The following CLDN11 variants were observed in gnomAD, a reference collection of about 807,000 sequenced individuals.
CLDN11 encodes the protein claudin-11.
CLDN11 carries 1 observed loss-of-function variant against 18.0 expected under a neutral mutation model. That is an observed-to-expected ratio of 0.06 (90% CI 0.02 to 0.26). The LOEUF is 0.26. CLDN11 is among the 10% of genes least tolerant of loss of function. CLDN11 has a pLI of 1.00. For synonymous variants in CLDN11, 116 were observed against 121.5 expected (o/e 0.96, Z 0.30); for missense variants, 172 against 276.6 (o/e 0.62, Z 2.68).
chr3:170,421,058 C>G (rs1738710684), intron 1 of CLDN11, among the ~76,000 whole-genome samples: 1 of 149,828 alleles, frequency 6.7e-6, no homozygotes, highest in Admixed American at 6.8e-5. Flanking sequence ...TTGTTTTCTT[C>G]TCCTGAAATT....
Position 170,419,373 on chromosome 3 carries a change from C to A in CLDN11, c.226+81C>A. ...GGGATATTAGACGGCGTCACAGAGA[C>A]ATTTTGGGGGCTTGAAGACCTTTGG... On this transcript the variant is annotated intron_variant, in intron 1 of 2. Coordinates refer to ENST00000064724, the MANE Select transcript of CLDN11 (RefSeq NM_005602.6). The surrounding 1 kb of genome is among the most constrained non-coding windows in gnomAD (Gnocchi z 8.6). 2 of 1,046,554 alleles carry A rather than the reference C, an allele frequency of 1.9e-6. No homozygotes were observed. The highest frequency in any genetic ancestry group is 2.8e-6 in the Non-Finnish European group (2 of 724,010). The allele number at this position is 1,046,554 out of a possible 1,614,324, so 64.8% of individuals were successfully genotyped here.
chr3:170,425,752 G>T (rs1309745184), intron 2 of CLDN11, among the ~76,000 whole-genome samples: 1 of 152,222 alleles, frequency 6.6e-6, no homozygotes, highest in South Asian at 2.1e-4. Context: ...GCCCTTTTAC[G>T]GCCTTGCATT....
chr3:170,424,928 T>C (rs1738811883), intron 2 of CLDN11, among the ~76,000 whole-genome samples: 1 of 43,998 alleles, frequency 2.3e-5, no homozygotes, highest in East Asian at 1.1e-3. Context: ...TGTGTGTGTG[T>C]GTGTGTGTGT....
intron 2 of CLDN11, among the ~76,000 whole-genome samples, chr3:170,426,291 C>A (rs1056811161): frequency 6.6e-6 from 1 of 152,286 alleles, no homozygotes; most frequent in East Asian, 1.9e-4. Context: ...ATCTTCTCAG[C>A]AGTTACGTTT....
At chr3:170,424,033 A>AAAAAAAAG (rs1738784918) in intron 2 of CLDN11, among the ~76,000 whole-genome samples, 4 of 149,002 alleles carry the variant, frequency 2.7e-5, no homozygotes, top group South Asian at 2.1e-4. Context: ...CAAAAAAAAA[A>AAAAAAAAG]AAAAAGAAAA....
Position 170,419,001 on chromosome 3 carries a change from C to A in CLDN11, c.-66C>A. The A allele has an allele frequency of 1.7e-6, 2 of 1,200,408 alleles. No individual in the cohort carries two copies. Among genetic ancestry groups the A allele is most frequent in the Non-Finnish European group, 2.4e-6 (2 of 835,320 alleles). The allele number at this position is 1,200,408 out of a possible 1,614,324, so 74.4% of individuals were successfully genotyped here. On this transcript the variant is annotated 5_prime_UTR_variant, in exon 1 of 3. Coordinates refer to ENST00000064724, the MANE Select transcript of CLDN11 (RefSeq NM_005602.6). This position sits in a 1 kb window ranked among gnomAD's most constrained non-coding sequence, Gnocchi z 8.6. ...AGCGTGGGAGACGTACCTGGGCAGG[C>A]ACTGTCCAGCCCAGGCCCAGGCACA...
intron 1 of CLDN11, among the ~76,000 whole-genome samples, chr3:170,420,632 C>T (rs1738702083): frequency 6.6e-6 from 1 of 152,230 alleles, no homozygotes; most frequent in Non-Finnish European, 1.5e-5. Context: ...TTTGCTTCCT[C>T]TTCTGGACCT....
At position 170,419,031 on chromosome 3, in the gene CLDN11, TGAGGG is replaced by T; in HGVS notation, c.-34_-30del. 6.8e-7 allele frequency: 1 copy of T among 1,466,602 alleles called. No homozygotes were observed. The highest frequency in any genetic ancestry group is 9.3e-7 in the Non-Finnish European group (1 of 1,072,252). The allele number at this position is 1,466,602 out of a possible 1,614,324, so 90.8% of individuals were successfully genotyped here. ...TCCAGCCCAGGCCCAGGCACAGCCG[TGAGGG>T]GCGAGGCACGGGGACATCCTGGCGG... On this transcript the variant is annotated 5_prime_UTR_variant, in exon 1 of 3. Transcript: ENST00000064724. This position sits in a 1 kb window ranked among gnomAD's most constrained non-coding sequence, Gnocchi z 8.6.
intron 2 of CLDN11, among the ~76,000 whole-genome samples, chr3:170,424,206 G>A (rs564734328): frequency 2.6e-5 from 4 of 152,260 alleles, no homozygotes; most frequent in Admixed American, 2.6e-4. Context: ...GGGACACTGG[G>A]GAAAATAGGC....
chr3:170,419,326 C>T lies in CLDN11; in HGVS notation c.226+34C>T, dbSNP rs973333670. 3.3e-5 allele frequency: 49 copies of T among 1,470,884 alleles called. No individual in the cohort carries two copies. In the African/African-American group the frequency reaches 5.9e-4, roughly 18 times the overall value. The allele number at this position is 1,470,884 out of a possible 1,614,324, so 91.1% of individuals were successfully genotyped here. A position where few individuals can be genotyped will look rare whatever the true frequency, so the allele number is the denominator to read the frequency against. On this transcript the variant is annotated intron_variant, in intron 1 of 2. Transcript: ENST00000064724. The surrounding 1 kb of genome is among the most constrained non-coding windows in gnomAD (Gnocchi z 8.6). Reference sequence around the variant, plus strand: ...CCGAGCTTGGCGGCGGCTCCCAAATCCTTATCCTCTGGGTAGAGAGCGGGA... The same window carrying T: ...CCGAGCTTGGCGGCGGCTCCCAAATTCTTATCCTCTGGGTAGAGAGCGGGA...
intron 2 of CLDN11, among the ~76,000 whole-genome samples, chr3:170,427,977 C>T (rs1041810718): frequency 6.6e-6 from 1 of 151,720 alleles, no homozygotes; most frequent in Admixed American, 6.6e-5. Flanking sequence ...GCCAACATGG[C>T]AAAACCCCAT....
At position 170,433,169 on chromosome 3, in the gene CLDN11, C is replaced by T. The variant is rs1163891418; in HGVS notation, c.*413C>T. 1 of 120,982 alleles carries T rather than the reference C, an allele frequency of 8.3e-6. No homozygotes were observed. Among genetic ancestry groups the T allele is most frequent in the Non-Finnish European group, 1.6e-5 (1 of 61,926 alleles). 7.5% of individuals were successfully genotyped at this position (120,982 alleles called of 1,614,324 possible). A position where few individuals can be genotyped will look rare whatever the true frequency, so the allele number is the denominator to read the frequency against. ...TTTTTTTTTTTTTTTTTAAATAGGGCCTCACTCTGTTGCTCAGGCTGGAGT... is the reference window on the plus strand; with the variant it reads ...TTTTTTTTTTTTTTTTTAAATAGGGTCTCACTCTGTTGCTCAGGCTGGAGT... On this transcript the variant is annotated 3_prime_UTR_variant, in exon 3 of 3. Transcript: ENST00000064724.
chr3:170,420,747 C>T (rs1470836235), intron 1 of CLDN11, among the ~76,000 whole-genome samples: 8 of 152,244 alleles, frequency 5.3e-5, no homozygotes, highest in African/African-American at 4.8e-5. Flanking sequence ...GGTCAACGAA[C>T]GCAGATCTAG....
rs1738682246 is a variant in CLDN11, at chr3:170,419,923, C to T, written c.226+631C>T. Among the ~76,000 whole-genome samples the T allele has an allele frequency of 6.6e-6, 1 of 152,364 alleles. No individual in the cohort carries two copies. The highest frequency in any genetic ancestry group is 1.9e-4 in the East Asian group (1 of 5,178). ...ACGTGCCCAGGGCCATCTCCGCTGC[C>T]CCCGCTACCCCCGCCCCTGCTGTGG... On this transcript the variant is annotated intron_variant, in intron 1 of 2. Coordinates refer to ENST00000064724, the MANE Select transcript of CLDN11 (RefSeq NM_005602.6). The surrounding 1 kb of genome is among the most constrained non-coding windows in gnomAD (Gnocchi z 8.6).
In CLDN11 at chr3:170,419,622, G is replaced by T. The variant is rs1160593062; in HGVS notation, c.226+330G>T. Among the ~76,000 whole-genome samples, 1 of 152,234 alleles carries T rather than the reference G, an allele frequency of 6.6e-6. No homozygotes were observed. The highest frequency in any genetic ancestry group is 1.5e-5 in the Non-Finnish European group (1 of 68,046). On this transcript the variant is annotated intron_variant, in intron 1 of 2. Transcript: ENST00000064724. This position sits in a 1 kb window ranked among gnomAD's most constrained non-coding sequence, Gnocchi z 8.6. ...CGGTCCCAGCCCGCATCCTTCCACC[G>T]TCCGCTTCCCGAAGTGCTTCCCGCT...
At chr3:170,423,133 A>G (rs766887995) in intron 1 of CLDN11, 30 bp from the exon 2 acceptor site, 5 of 1,613,516 alleles carry the variant, frequency 3.1e-6, no homozygotes, top group Non-Finnish European at 4.2e-6. Flanking sequence ...CCTGTGGTCT[A>G]ACCTTTCCCA....
intron 2 of CLDN11, among the ~76,000 whole-genome samples, chr3:170,427,895 C>T (rs1159855628): frequency 1.1e-4 from 16 of 151,374 alleles, no homozygotes; most frequent in East Asian, 5.9e-4. Context: ...TGGTGGTTCA[C>T]GCCTGTAATC....
In CLDN11 at chr3:170,419,411, C is replaced by T. The variant is rs2108242361; in HGVS notation, c.226+119C>T. 3.0e-6 allele frequency: 2 copies of T among 666,830 alleles called. No individual in the cohort carries two copies. 41.3% of individuals were successfully genotyped at this position (666,830 alleles called of 1,614,324 possible). On this transcript the variant is annotated intron_variant, in intron 1 of 2. Coordinates refer to ENST00000064724, the MANE Select transcript of CLDN11 (RefSeq NM_005602.6). The surrounding 1 kb of genome is among the most constrained non-coding windows in gnomAD (Gnocchi z 8.6). ...TGAAGACCTTTGGGTACGTTTTTGA[C>T]ATCCCTAGTCCCACCTTGTTGTAAA...
At chr3:170,431,793 TGA>T (rs1394059806) in intron 2 of CLDN11, among the ~76,000 whole-genome samples, 2 of 152,220 alleles carry the variant, frequency 1.3e-5, no homozygotes, top group African/African-American at 4.8e-5. Context: ...CTTGAATGGG[TGA>T]GTTTTTCTAC....
Sources: gnomAD v4.1 joint callset for allele counts (sites outside exome capture counted in the v4.1 genomes callset) on GRCh38, gnomAD v4.1.1 for gene constraint, Gnocchi (gnomAD v3.1) non-coding constraint, MANE v1.5 for transcripts, NCBI Gene and HGNC (gene_info 2026-07-23, HGNC 2026-07-21) for gene names.